The following PGPEP1 variants were observed in gnomAD, a reference collection of about 807,000 sequenced individuals.
PGPEP1 encodes the protein pyroglutamyl-peptidase 1.
PGPEP1 carries 15 observed loss-of-function variants against 24.1 expected under a neutral mutation model. The ratio of observed to expected loss-of-function variants is 0.62; its 90% confidence interval spans 0.42 to 0.96. The LOEUF is 0.96. PGPEP1 is among the 40% of genes least tolerant of loss of function. The pLI, the probability that PGPEP1 is intolerant of heterozygous loss-of-function variation, is 0.00. For missense variants in PGPEP1, 242 were observed against 273.4 expected (o/e 0.89, Z 0.81); for synonymous variants, 122 against 116.4 (o/e 1.05, Z -0.31).
At position 18,363,585 on chromosome 19, in the gene PGPEP1, G is replaced by T. The variant is rs1347868100; in HGVS notation, c.*2G>T. 6.2e-6 allele frequency: 10 copies of T among 1,610,470 alleles called. No individual in the cohort carries two copies. The South Asian group carries it at 1.1e-4, about 18-fold the overall frequency. On this transcript the variant is annotated 3_prime_UTR_variant, in exon 5 of 5. Coordinates refer to ENST00000269919, the MANE Select transcript of PGPEP1 (RefSeq NM_017712.4). ...ATCAACTATTGCCACAAACACTGAG[G>T]GACGCTCAGGTCTCCTAAGACCTCA...
chr19:18,341,930 G>C (rs563525431), intron 1 of PGPEP1, among the ~76,000 whole-genome samples: 1 of 150,552 alleles, frequency 6.6e-6, no homozygotes, highest in African/African-American at 2.5e-5. Context: ...TTTTTGAGAC[G>C]GAGTTTTGCT....
chr19:18,345,652 G>T (rs1221954848), intron 2 of PGPEP1, among the ~76,000 whole-genome samples: 1 of 150,822 alleles, frequency 6.6e-6, no homozygotes, highest in African/African-American at 2.4e-5. Flanking sequence ...CTAAGCCTGG[G>T]GAGGTAGAGG....
intron 4 of PGPEP1, among the ~76,000 whole-genome samples, chr19:18,362,500 C>T (rs946419855): frequency 2.0e-5 from 3 of 152,024 alleles, no homozygotes; most frequent in Admixed American, 6.6e-5. Flanking sequence ...CTGAGGTAGG[C>T]GGATCACTAC....
At chr19:18,340,889 G>C (rs1330624733) in intron 1 of PGPEP1, among the ~76,000 whole-genome samples, 174 bp downstream of exon 1, 3 of 152,200 alleles carry the variant, frequency 2.0e-5, no homozygotes, top group South Asian at 4.1e-4. Flanking sequence ...AGGAGGAGGA[G>C]CCTTGGGGGT....
chr19:18,359,542 C>G (rs1226784450), intron 4 of PGPEP1, among the ~76,000 whole-genome samples: 1 of 144,248 alleles, frequency 6.9e-6, no homozygotes, highest in Non-Finnish European at 1.5e-5. Context: ...GAGTCTCGCT[C>G]TGTAGCACAG....
At chr19:18,359,240 T>C (rs528428547) in intron 4 of PGPEP1, among the ~76,000 whole-genome samples, 8 of 152,232 alleles carry the variant, frequency 5.3e-5, no homozygotes, top group South Asian at 2.1e-4. Context: ...CAAGACCCTG[T>C]TGGCTCTAAA....
In PGPEP1 at chr19:18,364,943, GGGGGGCTCAAAACGGGGGCGC is replaced by G. The variant is rs1463321161; in HGVS notation, c.*1368_*1388del. Reference sequence around the variant, plus strand: ...GTTGTTCTCCTTAGCGGGGTGGCGCGGGGGGCTCAAAACGGGGGCGCGGGGGCTGGAGTTGGCAGAGCTCTG... The same window carrying G: ...GTTGTTCTCCTTAGCGGGGTGGCGCGGGGGGCTGGAGTTGGCAGAGCTCTG... On this transcript the variant is annotated 3_prime_UTR_variant, in exon 5 of 5. Coordinates refer to ENST00000269919, the MANE Select transcript of PGPEP1 (RefSeq NM_017712.4). 3 of 99,900 alleles carry G rather than the reference GGGGGGCTCAAAACGGGGGCGC, an allele frequency of 3.0e-5. No homozygotes were observed. Among genetic ancestry groups the G allele is most frequent in the Non-Finnish European group, 5.4e-5 (2 of 37,044 alleles). The allele number at this position is 99,900 out of a possible 1,614,324, so 6.2% of individuals were successfully genotyped here. A position where few individuals can be genotyped will look rare whatever the true frequency, so the allele number is the denominator to read the frequency against.
chr19:18,352,088 G>A (rs994657127), intron 2 of PGPEP1, among the ~76,000 whole-genome samples: 1 of 151,664 alleles, frequency 6.6e-6, no homozygotes, highest in Non-Finnish European at 1.5e-5. Flanking sequence ...TGGTTAACAC[G>A]ATGAAACCCC....
At chr19:18,343,394 T>A (rs1159493621) in intron 2 of PGPEP1, among the ~76,000 whole-genome samples, 1 of 152,060 alleles carries the variant, frequency 6.6e-6, no homozygotes, top group Non-Finnish European at 1.5e-5. Flanking sequence ...GCGCTCTGAA[T>A]CCTCCCAACA....
chr19:18,342,594 C>A (rs1210072446), intron 1 of PGPEP1, among the ~76,000 whole-genome samples: 1 of 152,140 alleles, frequency 6.6e-6, no homozygotes, highest in Non-Finnish European at 1.5e-5. Flanking sequence ...GCAGAAGATA[C>A]CTCTGGCCCC....
rs549651870 is a variant in PGPEP1, at chr19:18,353,198, C to T, written c.88-2697C>T. Among the ~76,000 whole-genome samples the T allele has an allele frequency of 2.6e-5, 4 of 151,806 alleles. No individual in the cohort carries two copies. In the East Asian group the frequency reaches 7.7e-4, roughly 29 times the overall value. On this transcript the variant is annotated intron_variant, in intron 2 of 4. Transcript: ENST00000269919. ...CCTCCCAAAGTATTGGAATTACAGGCATGAGCCACCGGGCCTGGTTCATTT... is the reference window on the plus strand; with the variant it reads ...CCTCCCAAAGTATTGGAATTACAGGTATGAGCCACCGGGCCTGGTTCATTT...
Position 18,367,199 on chromosome 19 carries a change from C to T in PGPEP1, c.*3616C>T, listed in dbSNP as rs1329871919. ...AATCCTCATGCAAGAAGGGAAGGAC[C>T]AAGTCCCATTCCCTCTTGCCTCATT... On this transcript the variant is annotated 3_prime_UTR_variant, in exon 5 of 5. Coordinates refer to ENST00000269919, the MANE Select transcript of PGPEP1 (RefSeq NM_017712.4). 1.3e-5 allele frequency: 2 copies of T among 150,240 alleles called. No individual in the cohort carries two copies. Among genetic ancestry groups the T allele is most frequent in the East Asian group, 3.9e-4 (2 of 5,136 alleles). 9.3% of individuals were successfully genotyped at this position (150,240 alleles called of 1,614,324 possible). A position where few individuals can be genotyped will look rare whatever the true frequency, so the allele number is the denominator to read the frequency against.
At chr19:18,345,115 C>G (rs940063973) in intron 2 of PGPEP1, among the ~76,000 whole-genome samples, 1 of 152,070 alleles carries the variant, frequency 6.6e-6, no homozygotes, top group Non-Finnish European at 1.5e-5. Context: ...ATTCTCCTGC[C>G]TCAGCCTCCC....
At chr19:18,355,787 C>A in intron 2 of PGPEP1, 108 bp from the exon 3 acceptor site, 1 of 718,028 alleles carries the variant, frequency 1.4e-6, no homozygotes. Flanking sequence ...CCCTTGCCAT[C>A]CTGCAGAATG....
intron 4 of PGPEP1, among the ~76,000 whole-genome samples, chr19:18,362,540 G>A (rs1218112902): frequency 6.6e-6 from 1 of 151,794 alleles, no homozygotes; most frequent in African/African-American, 2.4e-5. Flanking sequence ...AGCCTGGCCA[G>A]CATGGTGAAA....
rs568022368 is a variant in PGPEP1 at position 18,369,255 on chromosome 19, A to G, written c.*5672A>G. 1 of 152,414 alleles carries G rather than the reference A, an allele frequency of 6.6e-6. No homozygotes were observed. Among genetic ancestry groups the G allele is most frequent in the East Asian group, 1.9e-4 (1 of 5,180 alleles). 9.4% of individuals were successfully genotyped at this position (152,414 alleles called of 1,614,324 possible). On this transcript the variant is annotated 3_prime_UTR_variant, in exon 5 of 5. Coordinates refer to ENST00000269919, the MANE Select transcript of PGPEP1 (RefSeq NM_017712.4). ...GGGACTCCCAGGACTTGAGGGACCC[A>G]GTCCCACCCCAAACTGCTCCCCCTC...
chr19:18,347,790 C>T (rs544897930), intron 2 of PGPEP1, among the ~76,000 whole-genome samples: 4 of 152,144 alleles, frequency 2.6e-5, no homozygotes, highest in East Asian at 1.9e-4. Flanking sequence ...CACGCCACCA[C>T]GCCCAGCTAA....
rs746888898 is a variant in PGPEP1 at position 18,363,601 on chromosome 19, T to G, written c.*18T>G. 17 of 1,593,452 alleles carry G rather than the reference T, an allele frequency of 1.1e-5. No individual in the cohort carries two copies. In the East Asian group the frequency reaches 3.4e-4, roughly 32 times the overall value. ...AACACTGAGGGACGCTCAGGTCTCC[T>G]AAGACCTCATCCTGCTGGGGACCCC... On this transcript the variant is annotated 3_prime_UTR_variant, in exon 5 of 5. Transcript: ENST00000269919.
intron 2 of PGPEP1, among the ~76,000 whole-genome samples, chr19:18,351,654 C>T (rs1277088881): frequency 5.4e-5 from 8 of 149,400 alleles, no homozygotes; most frequent in African/African-American, 9.9e-5. Context: ...AAGATAAAAT[C>T]GATGTAAAAA....
Sources: gnomAD v4.1 joint callset for allele counts (sites outside exome capture counted in the v4.1 genomes callset) on GRCh38, gnomAD v4.1.1 for gene constraint, MANE v1.5 for transcripts, NCBI Gene and HGNC (gene_info 2026-07-23, HGNC 2026-07-21) for gene names.